Variants in MAPK6 observed in about 807,000 individuals in gnomAD.
MAPK6 encodes the protein mitogen-activated protein kinase 6, also known as ERK-3.
MAPK6 carries 19 observed loss-of-function variants against 59.3 expected under a neutral mutation model. The ratio of observed to expected loss-of-function variants is 0.32; its 90% CI spans 0.22 to 0.47. MAPK6 has a LOEUF of 0.47. Ranked by LOEUF, MAPK6 falls within the 20% of genes least tolerant of loss-of-function variation. The pLI, the probability that MAPK6 is intolerant of heterozygous loss-of-function variation, is 1.00. For synonymous variants in MAPK6, 316 were observed against 290.3 expected, an observed-to-expected ratio of 1.09 and a Z score of -0.90; for missense variants, 724 against 847.9, an observed-to-expected ratio of 0.85 and a Z score of 1.81.
chr15:52,048,445 C>A (rs1389535532), intron 2 of MAPK6, among the ~76,000 whole-genome samples: 1 of 150,700 alleles, frequency 6.6e-6, no homozygotes, highest in African/African-American at 2.4e-5. Flanking sequence ...TGGTGAAACC[C>A]TGTCTCTCCT....
chr15:52,031,198 G>A (rs893421088), intron 1 of MAPK6, among the ~76,000 whole-genome samples: 5 of 152,134 alleles, frequency 3.3e-5, no homozygotes, highest in Non-Finnish European at 5.9e-5. Context: ...CTCCCAATGT[G>A]CCGGGACTAC....
rs1375905024 is a variant in MAPK6, at chr15:52,061,284, C to A, written c.866-15C>A. ...GCAATTCTTTTCTGAAAAACTTTTA[C>A]CTTTTCCTCTGCAGCACTGGATTTC... On this transcript the variant is annotated splice_polypyrimidine_tract_variant and intron_variant, in intron 4 of 5. Transcript: ENST00000261845. 8 of 1,606,152 alleles carry A rather than the reference C, an allele frequency of 5.0e-6. No individual in the cohort carries two copies. In the South Asian group the frequency reaches 8.9e-5, roughly 18 times the overall value.
chr15:51,977,156 C>G (rs371966511), intron 1 of MAPK6, among the ~76,000 whole-genome samples: 1 of 151,308 alleles, frequency 6.6e-6, no homozygotes, highest in East Asian at 2.0e-4. Context: ...GTGCACACCA[C>G]CACGCCCGGC....
intron 2 of MAPK6, among the ~76,000 whole-genome samples, chr15:51,994,962 G>A (rs1595960786): frequency 6.6e-6 from 1 of 152,218 alleles, no homozygotes; most frequent in East Asian, 1.9e-4. Context: ...CATCATTTCT[G>A]AACATTGCTG....
chr15:51,984,971 C>T (rs1001256928), intron 2 of MAPK6, among the ~76,000 whole-genome samples: 1 of 152,114 alleles, frequency 6.6e-6, no homozygotes, highest in Non-Finnish European at 1.5e-5. Context: ...CTACTATAAT[C>T]AACAAGAAGA....
At chr15:51,975,225 A>G (rs1434222218) in intron 1 of MAPK6, among the ~76,000 whole-genome samples, 1 of 151,896 alleles carries the variant, frequency 6.6e-6, no homozygotes, top group Non-Finnish European at 1.5e-5. Flanking sequence ...TATCATCACA[A>G]ACATTTTTAC....
chr15:52,043,072 C>T (rs2031477928), intron 1 of MAPK6, among the ~76,000 whole-genome samples: 1 of 151,880 alleles, frequency 6.6e-6, no homozygotes, highest in African/African-American at 2.4e-5. Context: ...GCAGAGGTTG[C>T]AGTGAGTGGT....
chr15:52,059,987 A>T (rs1423442516), intron 4 of MAPK6, among the ~76,000 whole-genome samples: 3 of 152,212 alleles, frequency 2.0e-5, no homozygotes, highest in Non-Finnish European at 4.4e-5. Flanking sequence ...GATTAAGTAC[A>T]TCTGAGTGAA....
At chr15:52,052,854 G>A (rs181520579) in intron 3 of MAPK6, among the ~76,000 whole-genome samples, 102 of 152,134 alleles carry the variant, frequency 6.7e-4, no homozygotes, top group African/African-American at 2.0e-3. Context: ...AAATATTTGC[G>A]TACAAGTTTT....
chr15:51,986,941 C>T (rs1428609161), intron 2 of MAPK6, among the ~76,000 whole-genome samples: 2 of 152,100 alleles, frequency 1.3e-5, no homozygotes, highest in Non-Finnish European at 2.9e-5. Flanking sequence ...GTGCATGTTG[C>T]CAAAAGATAA....
chr15:52,013,492 A>C (rs1370610423), intron 3 of MAPK6, among the ~76,000 whole-genome samples: 1 of 152,212 alleles, frequency 6.6e-6, no homozygotes, highest in African/African-American at 2.4e-5. Flanking sequence ...AGAAGCCTAA[A>C]GAGGGAACTT....
intron 3 of MAPK6, among the ~76,000 whole-genome samples, chr15:52,054,481 C>A (rs1437102810): frequency 6.6e-6 from 1 of 152,126 alleles, no homozygotes; most frequent in Non-Finnish European, 1.5e-5. Flanking sequence ...ATTATCTTGA[C>A]ACTTTCATAA....
intron 1 of MAPK6, chr15:52,035,684 A>G (rs2031219761): frequency 6.6e-6 from 1 of 151,738 alleles, no homozygotes; most frequent in Admixed American, 6.6e-5. Context: ...TGGGGCTTAT[A>G]GTTGGGCCTC....
At chr15:52,018,509 C>G (rs2030346676), upstream of MAPK6, among the ~76,000 whole-genome samples, 1 of 152,220 alleles carries the variant, frequency 6.6e-6, no homozygotes, top group Non-Finnish European at 1.5e-5. Context: ...GAAAAGGCTC[C>G]TTGGACTCAA....
At chr15:52,001,290 G>C (rs2057241211) in intron 2 of MAPK6, among the ~76,000 whole-genome samples, 1 of 152,004 alleles carries the variant, frequency 6.6e-6, no homozygotes, top group African/African-American at 2.4e-5. Flanking sequence ...AAGAAAAAAA[G>C]TTTCTGTTCT....
chr15:52,023,647 C>T (rs986922613), intron 1 of MAPK6, among the ~76,000 whole-genome samples: 2 of 152,222 alleles, frequency 1.3e-5, no homozygotes, highest in Admixed American at 6.5e-5. Context: ...CTGTCTCCCT[C>T]TGTTGCCAGG....
Position 52,064,460 on chromosome 15 carries a change from G to A in MAPK6, c.1626G>A (p.Glu542=). 5 of 1,609,436 alleles carry A rather than the reference G, an allele frequency of 3.1e-6. No homozygotes were observed. The highest frequency in any genetic ancestry group is 2.3e-4 in the Middle Eastern group (1 of 4,414). ...CTATTCAGCTTAGTTCCCAGCATGA[G>A]CCTACTGATGTTGTTGATAAATTAA... The part of the protein sequence containing the change: ...AGTIQLSSQH[E]PTDVVDKLND... The change falls in exon 6 of 6, where the codon GAG becomes GAA. Residue 542 remains glutamate (E), a synonymous_variant. Transcript: ENST00000261845.
chr15:52,010,221 T>G (rs1341646745), intron 3 of MAPK6, among the ~76,000 whole-genome samples: 1 of 152,222 alleles, frequency 6.6e-6, no homozygotes, highest in Admixed American at 6.6e-5. Flanking sequence ...GGATAAGTTG[T>G]TTTTTTGTTT....
rs2057241621 is a variant in MAPK6, at chr15:52,001,458, A to G, written c.-769-2807A>G. 2.0e-5 allele frequency among the ~76,000 whole-genome samples: 3 copies of G among 150,936 alleles called. No homozygotes were observed. The South Asian group carries it at 6.3e-4, about 32-fold the overall frequency. The stretch of plus-strand genomic sequence containing the variant: ...ACACTTTTCATTACCATAGTTTTGT[A>G]GTAAGTTTCAAAACTGGGAATTGAA... On this transcript the variant is annotated intron_variant, in intron 2 of 7. Transcript: ENST00000691380.
Sources: allele counts gnomAD v4.1 joint callset (sites outside exome capture counted in the v4.1 genomes callset), GRCh38; gene constraint gnomAD v4.1.1; transcripts MANE v1.5; gene names NCBI Gene and HGNC (gene_info 2026-07-23, HGNC 2026-07-21).